EEF1E1: variants seen among roughly 807,000 people sequenced by gnomAD.
EEF1E1 encodes eukaryotic translation elongation factor 1 epsilon 1.
Under a neutral mutation model 19.9 loss-of-function variants are expected in EEF1E1, and 19 were observed. The observed-to-expected ratio is 0.95, with a 90% CI of 0.66 to 1.40. The LOEUF (loss-of-function observed/expected upper bound fraction) is 1.40. EEF1E1 is among the 40% of genes most tolerant of loss of function. The pLI, the probability that EEF1E1 is intolerant of heterozygous loss-of-function variation, is 0.00. For missense variants in EEF1E1, 198 were observed against 202.2 expected, an observed-to-expected ratio of 0.98 and a Z score of 0.13; for synonymous variants, 81 against 80.0, an observed-to-expected ratio of 1.01 and a Z score of -0.07.
chr6:8,084,920 CT>C (rs1444005734), intron 3 of EEF1E1, among the ~76,000 whole-genome samples: 1 of 152,048 alleles, frequency 6.6e-6, no homozygotes, highest in South Asian at 2.1e-4. Flanking sequence ...ACCTTGCAGG[CT>C]TTTTTTGTTT....
In EEF1E1 at chr6:8,079,863, A is replaced by G. The variant is rs781510788; in HGVS notation, c.*27T>C. ...ATTTTCCATTTAAAACATTTTTAATAGATCTTCTGTATGGCATGGACAGCT... is the reference window on the plus strand; with the variant it reads ...ATTTTCCATTTAAAACATTTTTAATGGATCTTCTGTATGGCATGGACAGCT... On this transcript the variant is annotated 3_prime_UTR_variant, in exon 4 of 4. Coordinates refer to ENST00000379715, the MANE Select transcript of EEF1E1 (RefSeq NM_004280.5). 6.3e-7 allele frequency: 1 copy of G among 1,596,098 alleles called. No homozygotes were observed. Among genetic ancestry groups the G allele is most frequent in the Non-Finnish European group, 8.5e-7 (1 of 1,169,920 alleles).
intron 1 of EEF1E1, chr6:8,101,835 T>C: frequency 1.6e-6 from 2 of 1,289,254 alleles, no homozygotes; most frequent in South Asian, 1.2e-5. Flanking sequence ...TAGAAACGCC[T>C]TCCCCGAATC....
At chr6:8,086,638 G>A (rs959971122) in intron 3 of EEF1E1, among the ~76,000 whole-genome samples, 2 of 152,152 alleles carry the variant, frequency 1.3e-5, no homozygotes, top group Admixed American at 6.5e-5. Context: ...ACTGAGCGCC[G>A]TGCCTTTAAA....
chr6:8,081,310 A>G (rs1382439739), intron 3 of EEF1E1, among the ~76,000 whole-genome samples: 1 of 152,232 alleles, frequency 6.6e-6, no homozygotes, highest in South Asian at 2.1e-4. Flanking sequence ...AGATGTTACT[A>G]CAACTGTCTC....
downstream of EEF1E1, among the ~76,000 whole-genome samples, chr6:8,078,289 G>A (rs549350452): frequency 8.5e-5 from 13 of 152,208 alleles, no homozygotes; most frequent in East Asian, 1.7e-3. Context: ...CTTGTGTCTC[G>A]AGGAAGAGGG....
chr6:8,097,412 G>A lies in EEF1E1; in HGVS notation c.143C>T (p.Ala48Val). 6.2e-7 allele frequency: 1 copy of A among 1,614,098 alleles called. No individual in the cohort carries two copies. Among genetic ancestry groups the A allele is most frequent in the Non-Finnish European group, 8.5e-7 (1 of 1,180,016 alleles). ...GTTGGCTTGCTTGACTAGATGAGCT[G>A]CTATAGTAGTCAATCCTGTTAGACT... ...GPSLTGLTTI[A>V]AHLVKQANKE... Residue 48 changes from alanine (A) to valine (V), a missense_variant, in exon 2 of 4, where the codon GCA becomes GTA. Ala to Val is a moderately conservative substitution (Grantham distance 64, BLOSUM62 0). Transcript: ENST00000379715.
At chr6:8,101,243 A>AAAAAAAAATTTATAT (rs1271033598) in intron 1 of EEF1E1, among the ~76,000 whole-genome samples, 1 of 58,470 alleles carries the variant, frequency 1.7e-5, no homozygotes, top group African/African-American at 7.9e-5. Context: ...AAAAAAAAAA[A>AAAAAAAAATTTATAT]ATATATATAT....
chr6:8,097,858 T>C (rs562853912), intron 1 of EEF1E1, among the ~76,000 whole-genome samples: 16 of 152,348 alleles, frequency 1.1e-4, no homozygotes, highest in African/African-American at 3.6e-4. Flanking sequence ...CCTGACTTCA[T>C]GTTTCCCCTA....
chr6:8,102,242 C>T, intron 1 of EEF1E1, 193 bp downstream of exon 1: 1 of 540,154 alleles, frequency 1.9e-6, no homozygotes, highest in Non-Finnish European at 2.4e-6. Flanking sequence ...CTGGTTAACC[C>T]CTCCCTCCAG....
downstream of EEF1E1, chr6:8,078,689 G>T: frequency 7.8e-7 from 1 of 1,285,862 alleles, no homozygotes; most frequent in Non-Finnish European, 1.0e-6. Flanking sequence ...AGACAAACAT[G>T]GGGGCCTGTT....
rs1165080012 is a variant in EEF1E1, at chr6:8,099,779, CACACACACACACAA to C, written c.88-2326_88-2313del. The stretch of plus-strand genomic sequence containing the variant: ...ACACACACACACACACACACACACA[CACACACACACACAA>C]AAAAAAAACAGAACCCTCTATAATG... On this transcript the variant is annotated intron_variant, in intron 1 of 3. Transcript: ENST00000379715. 4.0e-4 allele frequency among the ~76,000 whole-genome samples: 43 copies of C among 107,982 alleles called. 4 individuals are homozygous for C. Among genetic ancestry groups the C allele is most frequent in the African/African-American group, 1.6e-3 (38 of 24,438 alleles). The allele number at this position is 107,982 out of a possible 152,430, so 70.8% of individuals were successfully genotyped here.
downstream of EEF1E1, among the ~76,000 whole-genome samples, chr6:8,077,094 C>T (rs540728635): frequency 1.3e-5 from 2 of 152,082 alleles, no homozygotes. Flanking sequence ...CAGGCGCCCG[C>T]CACCACACCC....
At chr6:8,089,813 T>C (rs1014669966) in intron 3 of EEF1E1, 1 of 233,382 alleles carries the variant, frequency 4.3e-6, no homozygotes, top group Non-Finnish European at 8.2e-6. Context: ...GCCCAGGGGA[T>C]GATGACAAAA....
At chr6:8,097,179 G>T in intron 2 of EEF1E1, 88 bp downstream of exon 2, 1 of 1,322,478 alleles carries the variant, frequency 7.6e-7, no homozygotes, top group Non-Finnish European at 1.1e-6. Flanking sequence ...GGTGAAGAAG[G>T]CCAACAGCTA....
chr6:8,102,297 A>G, intron 1 of EEF1E1, 138 bp downstream of exon 1: 1 of 994,232 alleles, frequency 1.0e-6, no homozygotes, highest in Non-Finnish European at 1.4e-6. Flanking sequence ...CCAGCCGGCT[A>G]GCGGCGCAGA....
intron 1 of EEF1E1, chr6:8,102,004 C>T (rs1758379340): frequency 8.1e-7 from 1 of 1,233,178 alleles, no homozygotes; most frequent in Non-Finnish European, 1.0e-6. Context: ...ATTGTATTCC[C>T]CAGACCCAGC....
chr6:8,083,127 G>C (rs931964671), intron 3 of EEF1E1, among the ~76,000 whole-genome samples: 3 of 152,126 alleles, frequency 2.0e-5, no homozygotes, highest in African/African-American at 7.2e-5. Flanking sequence ...ACTCTATCAT[G>C]ACTTTGAACT....
In EEF1E1 at chr6:8,100,800, G is replaced by A. The variant is rs77910946; in HGVS notation, c.87+1635C>T. Among the ~76,000 whole-genome samples the A allele has an allele frequency of 7.7e-3, 1,159 of 150,842 alleles. 12 individuals are homozygous for A. The highest frequency in any genetic ancestry group is 0.026 in the African/African-American group (1,077 of 40,964). ...TGTCCTGGTAAATTCTTACCCTGGC[G>A]CCACCAGCCCCAGAGAGTTGCTGCT... On this transcript the variant is annotated intron_variant, in intron 1 of 3. Coordinates refer to ENST00000379715, the MANE Select transcript of EEF1E1 (RefSeq NM_004280.5).
chr6:8,080,671 T>G (rs1338380011), intron 3 of EEF1E1, among the ~76,000 whole-genome samples: 2 of 152,212 alleles, frequency 1.3e-5, no homozygotes, highest in Non-Finnish European at 2.9e-5. Context: ...AATTCCAAAA[T>G]AGGTGACTCA....
Sources: gnomAD v4.1 joint callset for allele counts (sites outside exome capture counted in the v4.1 genomes callset) on GRCh38, gnomAD v4.1.1 for gene constraint, MANE v1.5 for transcripts, NCBI Gene and HGNC (gene_info 2026-07-23, HGNC 2026-07-21) for gene names.